DPP10: variants seen among roughly 807,000 people sequenced by gnomAD.
The protein encoded by DPP10 is dipeptidyl peptidase like 10, also known as inactive dipeptidyl peptidase 10.
DPP10 carries 33 observed loss-of-function variants against 120.9 expected under a neutral mutation model. The ratio of observed to expected loss-of-function variants is 0.27; its 90% CI spans 0.21 to 0.37. The LOEUF is 0.37. Among genes scored for constraint, DPP10 ranks in the 10% least tolerant of loss-of-function variants. The pLI, the probability that DPP10 is intolerant of heterozygous loss-of-function variation, is 1.00. For missense variants in DPP10, 816 were observed against 942.8 expected (o/e 0.87, Z 1.76); for synonymous variants, 337 against 326.1 (o/e 1.03, Z -0.36).
At chr2:114,570,874 A>G (rs145509844) in intron 1 of DPP10, among the ~76,000 whole-genome samples, 1,642 of 150,650 alleles carry the variant, frequency 0.011, 35 homozygotes, top group African/African-American at 0.038. Context: ...AAGTAGATGA[A>G]GGAATTAGAG....
rs367843888 is a variant in DPP10 at position 114,749,420 on chromosome 2, A to G, written c.60+306582A>G. Reference sequence around the variant, plus strand: ...TGGGTTGCTTTACTTCTATGTTTTCACCAGCACCTTTCTTGCCCAATGACT... The same window carrying G: ...TGGGTTGCTTTACTTCTATGTTTTCGCCAGCACCTTTCTTGCCCAATGACT... On this transcript the variant is annotated intron_variant, in intron 1 of 25. Coordinates refer to ENST00000410059, the MANE Select transcript of DPP10 (RefSeq NM_020868.6). Among the ~76,000 whole-genome samples the G allele has an allele frequency of 2.2e-4, 34 of 152,102 alleles. No individual in the cohort carries two copies. The East Asian group carries it at 6.6e-3, about 29-fold the overall frequency.
chr2:115,420,275 A>G (rs1192375980), intron 3 of DPP10, among the ~76,000 whole-genome samples: 1 of 152,202 alleles, frequency 6.6e-6, no homozygotes, highest in Admixed American at 6.5e-5. Context: ...GTACAAATGG[A>G]GTAGACACAA....
intron 1 of DPP10, among the ~76,000 whole-genome samples, chr2:115,096,887 C>T (rs544155612): frequency 3.3e-5 from 5 of 152,164 alleles, no homozygotes; most frequent in East Asian, 1.9e-4. Context: ...GATTATGAAA[C>T]TTGTAAAAAG....
At chr2:115,382,041 C>T (rs557165061) in intron 3 of DPP10, among the ~76,000 whole-genome samples, 1 of 152,212 alleles carries the variant, frequency 6.6e-6, no homozygotes, top group Non-Finnish European at 1.5e-5. Context: ...GTGGAGCCTA[C>T]AGAGGCAGGC....
intron 1 of DPP10, among the ~76,000 whole-genome samples, chr2:115,227,583 C>T (rs1339043614): frequency 6.6e-6 from 1 of 152,084 alleles, no homozygotes; most frequent in East Asian, 1.9e-4. Flanking sequence ...CTTTCCTTGA[C>T]TCTCACTCTT....
intron 1 of DPP10, among the ~76,000 whole-genome samples, chr2:115,041,678 A>C (rs756958451): frequency 6.6e-6 from 1 of 152,148 alleles, no homozygotes; most frequent in Non-Finnish European, 1.5e-5. Flanking sequence ...GTTTTTCCAC[A>C]CAGTATATCT....
intron 1 of DPP10, among the ~76,000 whole-genome samples, chr2:114,552,578 T>A (rs900722425): frequency 1.3e-5 from 2 of 152,058 alleles, no homozygotes; most frequent in African/African-American, 2.4e-5. Context: ...CAAGTCTTAC[T>A]CTTATTGCCC....
intron 3 of DPP10, among the ~76,000 whole-genome samples, chr2:115,493,484 G>A (rs1351313806): frequency 3.3e-5 from 5 of 150,854 alleles, no homozygotes; most frequent in African/African-American, 7.3e-5. Context: ...ATAAGAAGGT[G>A]TGAGTAGTAA....
chr2:115,620,063 C>T (rs1310805889), intron 5 of DPP10, among the ~76,000 whole-genome samples: 1 of 152,164 alleles, frequency 6.6e-6, no homozygotes, highest in Non-Finnish European at 1.5e-5. Context: ...ATTGGCATTG[C>T]TCACTGCTGT....
intron 1 of DPP10, among the ~76,000 whole-genome samples, chr2:114,605,098 T>C (rs963868021): frequency 9.2e-5 from 14 of 152,122 alleles, no homozygotes; most frequent in Non-Finnish European, 2.1e-4. Flanking sequence ...TCTGACTTTC[T>C]GTAGTAGTAG....
At chr2:115,027,403 T>C (rs1482320398) in intron 1 of DPP10, among the ~76,000 whole-genome samples, 4 of 152,100 alleles carry the variant, frequency 2.6e-5, no homozygotes, top group African/African-American at 9.7e-5. Flanking sequence ...GATAATATGA[T>C]GTATGTCATT....
intron 1 of DPP10, among the ~76,000 whole-genome samples, chr2:114,926,882 G>T (rs542031629): frequency 7.2e-6 from 1 of 138,660 alleles, no homozygotes; most frequent in Non-Finnish European, 1.5e-5. Context: ...ACAGAGTCTC[G>T]CTATGTCCCC....
chr2:114,688,304 G>GA (rs891515031), intron 1 of DPP10, among the ~76,000 whole-genome samples: 4 of 151,830 alleles, frequency 2.6e-5, no homozygotes, highest in African/African-American at 7.2e-5. Context: ...AAAAACATTT[G>GA]AAAAAATCTA....
intron 1 of DPP10, among the ~76,000 whole-genome samples, chr2:115,186,749 T>C (rs2054468953): frequency 6.6e-6 from 1 of 152,166 alleles, no homozygotes; most frequent in African/African-American, 2.4e-5. Context: ...AGCCATGTCA[T>C]GGAAATTGTT....
At chr2:114,499,681 T>G (rs1410150038) in intron 1 of DPP10, among the ~76,000 whole-genome samples, 1 of 152,114 alleles carries the variant, frequency 6.6e-6, no homozygotes, top group Admixed American at 6.6e-5. Context: ...ATCCCAGGTA[T>G]CCATCAGTTC....
At position 115,485,102 on chromosome 2, in the gene DPP10, A is replaced by G. The variant is rs78245472; in HGVS notation, c.272-14408A>G. Among the ~76,000 whole-genome samples the G allele has an allele frequency of 4.7e-3, 716 of 152,166 alleles. 7 individuals carry two copies. Among genetic ancestry groups the G allele is most frequent in the African/African-American group, 0.017 (692 of 41,542 alleles). On this transcript the variant is annotated intron_variant, in intron 3 of 25. Transcript: ENST00000410059. ...AACAAACGAACAAATATTAACTTGT[A>G]TAATAGCTGTTTACAGTTAGGTAAG...
At chr2:115,271,703 A>G (rs2059707564) in intron 1 of DPP10, among the ~76,000 whole-genome samples, 2 of 152,188 alleles carry the variant, frequency 1.3e-5, no homozygotes, top group South Asian at 4.1e-4. Flanking sequence ...TAGGTAAAAA[A>G]ACTTTTAAGT....
chr2:115,632,205 T>G (rs530990223), intron 5 of DPP10, among the ~76,000 whole-genome samples: 3 of 152,284 alleles, frequency 2.0e-5, no homozygotes, highest in African/African-American at 7.2e-5. Flanking sequence ...TGGTTTAAAG[T>G]CTGTTTTGTC....
chr2:115,441,736 T>TA (rs1395175354), intron 3 of DPP10, among the ~76,000 whole-genome samples: 2 of 152,132 alleles, frequency 1.3e-5, no homozygotes, highest in African/African-American at 4.8e-5. Context: ...AGTTATTTGA[T>TA]TCATCTTTCC....
Sources: gnomAD v4.1 joint callset for allele counts (sites outside exome capture counted in the v4.1 genomes callset) on GRCh38, gnomAD v4.1.1 for gene constraint, MANE v1.5 for transcripts, NCBI Gene and HGNC (gene_info 2026-07-23, HGNC 2026-07-21) for gene names.